Variants in TSGA10 observed in about 807,000 individuals in gnomAD.
TSGA10 encodes the protein testis specific 10.
Under a neutral mutation model 96.6 loss-of-function variants are expected in TSGA10, and 43 were observed. The ratio of observed to expected loss-of-function variants is 0.44; its 90% CI spans 0.35 to 0.57. TSGA10 has a LOEUF of 0.57. TSGA10 is among the 20% of genes least tolerant of loss of function. TSGA10 has a pLI of 0.01. For synonymous variants in TSGA10, 229 were observed against 269.9 expected, an observed-to-expected ratio of 0.85 and a Z score of 1.48; for missense variants, 703 against 834.4, an observed-to-expected ratio of 0.84 and a Z score of 1.94.
intron 12 of TSGA10, among the ~76,000 whole-genome samples, chr2:99,077,353 T>C (rs1271619697): frequency 6.6e-6 from 1 of 151,960 alleles, no homozygotes; most frequent in African/African-American, 2.4e-5. Context: ...CAACAAATGT[T>C]TGTTGAAATA....
intron 1 of TSGA10, among the ~76,000 whole-genome samples, chr2:99,127,547 A>T (rs184271496): frequency 3.0e-3 from 459 of 152,362 alleles, no homozygotes; most frequent in Non-Finnish European, 5.6e-3. Flanking sequence ...GTTTGCAATT[A>T]ATATCACAAA....
Position 99,116,040 on chromosome 2 carries a change from C to T in TSGA10, c.-140+1504G>A, listed in dbSNP as rs148325702. On this transcript the variant is annotated intron_variant, in intron 4 of 20. Transcript: ENST00000393483. ...TAACAGTGACTTCAATAACGTTTCACCTGATAATTTAATTGCTTTATTATT... is the reference window on the plus strand; with the variant it reads ...TAACAGTGACTTCAATAACGTTTCATCTGATAATTTAATTGCTTTATTATT... Among the ~76,000 whole-genome samples the T allele has an allele frequency of 3.1e-3, 476 of 152,238 alleles. 1 individual carries two copies. Among genetic ancestry groups the T allele is most frequent in the African/African-American group, 9.8e-3 (406 of 41,548 alleles).
At chr2:99,132,426 T>C (rs774477504) in intron 1 of TSGA10, among the ~76,000 whole-genome samples, 7 of 152,138 alleles carry the variant, frequency 4.6e-5, no homozygotes, top group African/African-American at 7.2e-5. Flanking sequence ...GAGACGTTTA[T>C]AGTATTCTCT....
intron 10 of TSGA10, among the ~76,000 whole-genome samples, chr2:99,088,997 A>C (rs1372801843): frequency 2.0e-5 from 3 of 152,222 alleles, no homozygotes; most frequent in Non-Finnish European, 4.4e-5. Context: ...ATACTAGGAA[A>C]GCCGAGAGAA....
At chr2:99,126,991 C>T in intron 2 of TSGA10, 57 bp downstream of exon 2, 1 of 1,267,290 alleles carries the variant, frequency 7.9e-7, no homozygotes, top group Non-Finnish European at 1.0e-6. Context: ...CTTCTTGTTT[C>T]AAAATAGGCT....
intron 20 of TSGA10, among the ~76,000 whole-genome samples, chr2:99,014,190 C>T (rs977232419): frequency 2.6e-5 from 4 of 151,780 alleles, no homozygotes; most frequent in Non-Finnish European, 5.9e-5. Context: ...TAAAAATAAG[C>T]CCGGCATTGT....
chr2:99,124,000 T>A lies in TSGA10; in HGVS notation c.-492+3048A>T, dbSNP rs117485787. On this transcript the variant is annotated intron_variant, in intron 2 of 20. Coordinates refer to ENST00000393483, the MANE Select transcript of TSGA10 (RefSeq NM_025244.4). ...ACTCTTTAGGATATATACCTAGGAG[T>A]GGAATAGCTGGATCATATTATTAGT... 5.4e-3 allele frequency among the ~76,000 whole-genome samples: 823 copies of A among 152,216 alleles called. 54 individuals carry two copies. The East Asian group carries it at 0.14, about 26-fold the overall frequency.
chr2:99,062,715 C>G (rs1011973248), intron 16 of TSGA10, among the ~76,000 whole-genome samples: 2 of 152,134 alleles, frequency 1.3e-5, no homozygotes, highest in Non-Finnish European at 2.9e-5. Flanking sequence ...AGCCTAGGAA[C>G]AGAGTGAGAC....
intron 16 of TSGA10, among the ~76,000 whole-genome samples, chr2:99,039,029 C>A (rs759081821): frequency 1.7e-4 from 26 of 152,074 alleles, no homozygotes; most frequent in Non-Finnish European, 2.9e-4. Context: ...ATAATCTGCT[C>A]TTGAATGATC....
Position 99,154,900 on chromosome 2 carries a change from C to G in TSGA10, c.-828G>C. ...CAGGCGGAGAGACTAGGCGCGATCC[C>G]TGCGCGCCCCTCCTTCTCTTGCGCT... On this transcript the variant is annotated 5_prime_UTR_variant, in exon 1 of 21. Coordinates refer to ENST00000393483, the MANE Select transcript of TSGA10 (RefSeq NM_025244.4). 1 of 420,246 alleles carries G rather than the reference C, an allele frequency of 2.4e-6. No individual in the cohort carries two copies. Among genetic ancestry groups the G allele is most frequent in the Admixed American group, 2.6e-5 (1 of 38,240 alleles). 26.0% of individuals were successfully genotyped at this position (420,246 alleles called of 1,614,324 possible).
intron 4 of TSGA10, among the ~76,000 whole-genome samples, chr2:99,114,116 G>A (rs752093391): frequency 6.6e-6 from 1 of 152,070 alleles, no homozygotes; most frequent in Non-Finnish European, 1.5e-5. Flanking sequence ...CTCAATTCCA[G>A]ACAAACTAAC....
chr2:99,064,817 A>G, intron 16 of TSGA10, 122 bp downstream of exon 16: 1 of 779,272 alleles, frequency 1.3e-6, no homozygotes, highest in Non-Finnish European at 1.9e-6. Flanking sequence ...TTAGCATGCT[A>G]CAATTCACAG....
At chr2:99,137,343 T>C (rs1300246540) in intron 1 of TSGA10, among the ~76,000 whole-genome samples, 1 of 152,156 alleles carries the variant, frequency 6.6e-6, no homozygotes, top group Non-Finnish European at 1.5e-5. Flanking sequence ...AATTTCAACC[T>C]AAAAATTTTG....
chr2:99,013,296 A>G (rs2079162635), intron 20 of TSGA10, among the ~76,000 whole-genome samples: 1 of 152,142 alleles, frequency 6.6e-6, no homozygotes, highest in East Asian at 1.9e-4. Flanking sequence ...AAGATCACTT[A>G]AGATCAGATG....
rs1290538206 is a variant in TSGA10, at chr2:99,127,108, A to G, written c.-552T>C. ...TTCTCACTTCTTGTTCTAGCTGGAG[A>G]GTATTCTGGTAGTTTTCAGCTTCAG... On this transcript the variant is annotated 5_prime_UTR_variant, in exon 2 of 21. Transcript: ENST00000393483. 1 of 1,289,612 alleles carries G rather than the reference A, an allele frequency of 7.8e-7. No individual in the cohort carries two copies. Among genetic ancestry groups the G allele is most frequent in the East Asian group, 5.6e-5 (1 of 18,012 alleles). The allele number at this position is 1,289,612 out of a possible 1,614,324, so 79.9% of individuals were successfully genotyped here. A position where few individuals can be genotyped will look rare whatever the true frequency, so the allele number is the denominator to read the frequency against.
intron 1 of TSGA10, among the ~76,000 whole-genome samples, chr2:99,151,760 A>G (rs2093696345): frequency 6.6e-6 from 1 of 152,182 alleles, no homozygotes; most frequent in Non-Finnish European, 1.5e-5. Flanking sequence ...CCAAGTGTTA[A>G]TAGTTTGTCT....
At chr2:99,091,335 C>G (rs1484418226) in intron 10 of TSGA10, among the ~76,000 whole-genome samples, 6 of 152,160 alleles carry the variant, frequency 3.9e-5, no homozygotes, top group Non-Finnish European at 8.8e-5. Flanking sequence ...ATAAATCTCA[C>G]AGGACCTATA....
chr2:99,105,705 T>G lies in TSGA10; in HGVS notation c.211-8A>C. ...GGTAATTTCTTCCTGTGCCTATTAT[T>G]TAAATCATAGACTTTGGTTGAACAA... On this transcript the variant is annotated splice_polypyrimidine_tract_variant and splice_region_variant and intron_variant, in intron 7 of 20. Coordinates refer to ENST00000393483, the MANE Select transcript of TSGA10 (RefSeq NM_025244.4). 1.3e-6 allele frequency: 2 copies of G among 1,583,440 alleles called. No individual in the cohort carries two copies. Among genetic ancestry groups the G allele is most frequent in the Non-Finnish European group, 1.7e-6 (2 of 1,157,258 alleles).
At chr2:99,085,083 C>T (rs1350442864) in intron 10 of TSGA10, among the ~76,000 whole-genome samples, 2 of 151,434 alleles carry the variant, frequency 1.3e-5, no homozygotes, top group African/African-American at 2.4e-5. Context: ...CCTGTCTCTA[C>T]TAAAAATACA....
Sources: allele counts gnomAD v4.1 joint callset (sites outside exome capture counted in the v4.1 genomes callset), GRCh38; gene constraint gnomAD v4.1.1; transcripts MANE v1.5; gene names NCBI Gene and HGNC (gene_info 2026-07-23, HGNC 2026-07-21).